Variants in CCDC88C observed in about 807,000 individuals in gnomAD.
CCDC88C encodes protein Daple.
In CCDC88C, 131 loss-of-function variants were observed where a neutral mutation model predicts 198.8. The ratio of observed to expected loss-of-function variants is 0.66; its 90% CI spans 0.57 to 0.76. The LOEUF (loss-of-function observed/expected upper bound fraction) is 0.76, where lower values mean the gene tolerates loss of function less well. Ranked by LOEUF, CCDC88C falls within the 30% of genes least tolerant of loss-of-function variation. The probability of loss-of-function intolerance (pLI) is 0.00; values close to 1 mark genes in which losing one functional copy is unlikely to be tolerated. For synonymous variants in CCDC88C, 1,166 were observed against 1,114.7 expected (o/e 1.05, Z -0.92); for missense variants, 2,553 against 2,631.6 (o/e 0.97, Z 0.65).
In CCDC88C at chr14:91,284,403, G is replaced by A. The variant is rs1890318818; in HGVS notation, c.4442-886C>T. Reference sequence around the variant, plus strand: ...CAGAGCTGATGATTTGAAATCAAGGGGAAATTTGGATTTTGAAAGATAACC... The same window carrying A: ...CAGAGCTGATGATTTGAAATCAAGGAGAAATTTGGATTTTGAAAGATAACC... On this transcript the variant is annotated intron_variant, in intron 25 of 29. Transcript: ENST00000389857. The surrounding 1 kb of genome is among the most constrained non-coding windows in gnomAD (Gnocchi z 4.1). 6.6e-6 allele frequency among the ~76,000 whole-genome samples: 1 copy of A among 152,142 alleles called. No individual in the cohort carries two copies. The highest frequency in any genetic ancestry group is 1.5e-5 in the Non-Finnish European group (1 of 68,024).
chr14:91,392,288 C>A (rs189039782), intron 3 of CCDC88C, among the ~76,000 whole-genome samples: 9 of 152,264 alleles, frequency 5.9e-5, no homozygotes, highest in South Asian at 2.1e-4. Context: ...CCACCCCCAA[C>A]CCTGCCAAAA....
chr14:91,353,698 C>T (rs370414662), intron 4 of CCDC88C, among the ~76,000 whole-genome samples: 1 of 152,180 alleles, frequency 6.6e-6, no homozygotes, highest in Non-Finnish European at 1.5e-5. Context: ...GCGCACAGAA[C>T]CTTGTCTCTT....
rs1301339920 is a variant in CCDC88C at position 91,352,824 on chromosome 14, C to A, written c.340+6818G>T. Among the ~76,000 whole-genome samples, 1 of 152,190 alleles carries A rather than the reference C, an allele frequency of 6.6e-6. No individual in the cohort carries two copies. Among genetic ancestry groups the A allele is most frequent in the Non-Finnish European group, 1.5e-5 (1 of 68,042 alleles). On this transcript the variant is annotated intron_variant, in intron 4 of 29. Transcript: ENST00000389857. The surrounding 1 kb of genome is among the most constrained non-coding windows in gnomAD (Gnocchi z 4.2). ...GGAGCCAGGGGCAGGACTGGGAGGG[C>A]CGCAGGGCCAGGAAGACAGGGCTTT...
chr14:91,297,258 G>T, intron 22 of CCDC88C, 47 bp downstream of exon 22: 1 of 1,575,410 alleles, frequency 6.3e-7, no homozygotes, highest in South Asian at 1.1e-5. Flanking sequence ...CTGTCCCCTT[G>T]GGGGACTCAT....
rs567032987 is a variant in CCDC88C at position 91,369,952 on chromosome 14, A to T, written c.271-10241T>A. On this transcript the variant is annotated intron_variant, in intron 3 of 29. Coordinates refer to ENST00000389857, the MANE Select transcript of CCDC88C (RefSeq NM_001080414.4). ...CCACGTCATCAGAAAACCCCCTCCC[A>T]CGGAACACTTCCTAACTGCCTGTCC... is the stretch of plus-strand genomic sequence containing the variant. Among the ~76,000 whole-genome samples, 205 of 152,276 alleles carry T rather than the reference A, an allele frequency of 1.3e-3. 1 individual carries two copies. The highest frequency in any genetic ancestry group is 4.8e-3 in the African/African-American group (198 of 41,548).
chr14:91,392,011 A>G (rs1273358736), intron 3 of CCDC88C, among the ~76,000 whole-genome samples: 1 of 151,980 alleles, frequency 6.6e-6, no homozygotes. Flanking sequence ...AAATCTGAAC[A>G]TACACTTGGA....
At chr14:91,308,247 G>A (rs1315955742) in intron 17 of CCDC88C, 104 bp downstream of exon 17, 10 of 1,379,530 alleles carry the variant, frequency 7.2e-6, no homozygotes, top group Middle Eastern at 2.1e-4. Context: ...CCCTGCCCTA[G>A]AAAATGGGTA....
intron 18 of CCDC88C, among the ~76,000 whole-genome samples, 200 bp downstream of exon 18, chr14:91,306,838 T>C (rs1377757338): frequency 1.3e-5 from 2 of 152,246 alleles, no homozygotes; most frequent in African/African-American, 4.8e-5. Flanking sequence ...GAAGGCTGTG[T>C]GTGCCCCTGA....
At chr14:91,344,846 G>C (rs945537977) in intron 4 of CCDC88C, among the ~76,000 whole-genome samples, 1 of 151,168 alleles carries the variant, frequency 6.6e-6, no homozygotes, top group African/African-American at 2.4e-5. Context: ...GCCCAGGTTG[G>C]GGTATAGTGG....
intron 4 of CCDC88C, among the ~76,000 whole-genome samples, 156 bp from the exon 5 acceptor site, chr14:91,343,813 C>T (rs1364757394): frequency 1.3e-5 from 2 of 152,114 alleles, no homozygotes; most frequent in Non-Finnish European, 2.9e-5. Context: ...CCATGTGTGG[C>T]TTTATTTACT....
At chr14:91,327,391 T>C (rs1023971375) in intron 10 of CCDC88C, among the ~76,000 whole-genome samples, 6 of 152,172 alleles carry the variant, frequency 3.9e-5, no homozygotes, top group African/African-American at 1.4e-4. Flanking sequence ...CTGCGTGCCC[T>C]CCTCTCGCTG....
chr14:91,363,601 TAAGA>T (rs1305118467), intron 3 of CCDC88C, among the ~76,000 whole-genome samples: 3 of 152,232 alleles, frequency 2.0e-5, no homozygotes, highest in Non-Finnish European at 2.9e-5. Flanking sequence ...AAAAAATTTT[TAAGA>T]AAGAAAAAAT....
rs1890562900 is a variant in CCDC88C, at chr14:91,289,352, A to T, written c.4203-9T>A. On this transcript the variant is annotated splice_polypyrimidine_tract_variant and intron_variant, in intron 24 of 29. Transcript: ENST00000389857. ...CAATCCAGTGGTTCTTCCTGGTTAG[A>T]AGTAGATGTTTAGGACATAGCCAGC... The T allele has an allele frequency of 1.2e-6, 2 of 1,612,344 alleles. No individual in the cohort carries two copies. Among genetic ancestry groups the T allele is most frequent in the Non-Finnish European group, 1.7e-6 (2 of 1,178,446 alleles).
At chr14:91,334,763 C>T (rs1209095255) in intron 10 of CCDC88C, among the ~76,000 whole-genome samples, 3 of 152,178 alleles carry the variant, frequency 2.0e-5, no homozygotes, top group Non-Finnish European at 2.9e-5. Flanking sequence ...GACATGAAGC[C>T]CACTCAGCAC....
chr14:91,272,712 A>G lies in CCDC88C; in HGVS notation c.6000T>C (p.Ser2000=). The change falls in exon 30 of 30, where the codon AGT becomes AGC. Residue 2000 remains serine, a synonymous_variant. Coordinates refer to ENST00000389857, the MANE Select transcript of CCDC88C (RefSeq NM_001080414.4). ...PHLGRALEDC[S]RGSVSKSSPA... is the part of the protein sequence containing the mutation. Reference sequence around the variant, plus strand: ...GACTGCTCTTTGAGACGCTCCCTCGACTGCAGTCCTCCAGGGCCCGGCCGA... The same window carrying G: ...GACTGCTCTTTGAGACGCTCCCTCGGCTGCAGTCCTCCAGGGCCCGGCCGA... The G allele has an allele frequency of 6.2e-7, 1 of 1,611,168 alleles. No homozygotes were observed. Among genetic ancestry groups the G allele is most frequent in the South Asian group, 1.1e-5 (1 of 91,014 alleles).
intron 3 of CCDC88C, among the ~76,000 whole-genome samples, chr14:91,375,590 G>A (rs1884357104): frequency 6.6e-6 from 1 of 152,168 alleles, no homozygotes; most frequent in Non-Finnish European, 1.5e-5. Flanking sequence ...CAGACCAGCT[G>A]CTCTGGCTTC....
intron 19 of CCDC88C, among the ~76,000 whole-genome samples, chr14:91,304,462 G>T (rs927137786): frequency 1.3e-5 from 2 of 152,202 alleles, no homozygotes; most frequent in African/African-American, 2.4e-5. Flanking sequence ...GGTGTTGTAT[G>T]CCTATAGTCC....
chr14:91,310,091 G>A, intron 15 of CCDC88C, 105 bp from the exon 16 acceptor site: 1 of 1,165,960 alleles, frequency 8.6e-7, no homozygotes. Context: ...CCGGGCCACG[G>A]CTGCCTCCGT....
chr14:91,394,456 C>T (rs61988433), intron 3 of CCDC88C, among the ~76,000 whole-genome samples: 25,669 of 152,206 alleles, frequency 0.17, 2,773 homozygotes, highest in Non-Finnish European at 0.25. Context: ...GGCAGCAGGT[C>T]GGGGGCACTT....
Sources: allele counts gnomAD v4.1 joint callset (sites outside exome capture counted in the v4.1 genomes callset), GRCh38; gene constraint gnomAD v4.1.1; non-coding constraint Gnocchi (gnomAD v3.1); transcripts MANE v1.5; gene names NCBI Gene and HGNC (gene_info 2026-07-23, HGNC 2026-07-21).